The following ELMOD3 variants were observed in gnomAD, a reference collection of about 807,000 sequenced individuals.
ELMOD3 encodes the protein ELMO domain-containing protein 3.
ELMOD3 carries 36 observed loss-of-function variants against 47.4 expected under a neutral mutation model. That is an observed-to-expected ratio of 0.76 (90% CI 0.58 to 1.00). ELMOD3 has a LOEUF of 1.00. Among genes scored for constraint, ELMOD3 ranks in the 50% least tolerant of loss-of-function variants. The probability of loss-of-function intolerance (pLI) is 0.00; values close to 1 mark genes in which losing one functional copy is unlikely to be tolerated. For missense variants in ELMOD3, 404 were observed against 463.8 expected (o/e 0.87, Z 1.18); for synonymous variants, 149 against 183.5 (o/e 0.81, Z 1.52).
At chr2:85,380,152 C>A (rs1685444882) in intron 11 of ELMOD3, among the ~76,000 whole-genome samples, 5 of 152,138 alleles carry the variant, frequency 3.3e-5, no homozygotes, top group Admixed American at 3.3e-4. Flanking sequence ...TGTATTTATG[C>A]AAATAACTGT....
intron 11 of ELMOD3, among the ~76,000 whole-genome samples, chr2:85,379,680 A>G (rs1038235963): frequency 6.6e-6 from 1 of 152,362 alleles, no homozygotes; most frequent in South Asian, 2.1e-4. Context: ...AAGACAAATC[A>G]TGGTAGGACC....
At chr2:85,361,515 T>G (rs1683954424) in intron 4 of ELMOD3, among the ~76,000 whole-genome samples, 2 of 152,166 alleles carry the variant, frequency 1.3e-5, no homozygotes, top group South Asian at 2.1e-4. Context: ...GGCCATTATC[T>G]TTAGCAAACT....
At chr2:85,362,637 A>C (rs1684063990) in intron 5 of ELMOD3, among the ~76,000 whole-genome samples, 1 of 152,176 alleles carries the variant, frequency 6.6e-6, no homozygotes, top group African/African-American at 2.4e-5. Flanking sequence ...AATGGACTTC[A>C]AGGCCAGTAA....
intron 11 of ELMOD3, among the ~76,000 whole-genome samples, chr2:85,379,842 G>A (rs775028777): frequency 2.0e-5 from 3 of 152,058 alleles, no homozygotes; most frequent in Non-Finnish European, 4.4e-5. Flanking sequence ...GCCAAGCCTT[G>A]CCATGGATTT....
intron 11 of ELMOD3, among the ~76,000 whole-genome samples, chr2:85,381,387 A>C (rs1685529946): frequency 6.6e-6 from 1 of 152,236 alleles, no homozygotes; most frequent in African/African-American, 2.4e-5. Context: ...CGGAGACTTG[A>C]TTTTTCAATC....
rs1353945634 is a variant in ELMOD3, at chr2:85,387,137, A to G, written c.739-2614A>G. 5 of 1,299,922 alleles carry G rather than the reference A, an allele frequency of 3.8e-6. No individual in the cohort carries two copies. The South Asian group carries it at 5.0e-5, about 13-fold the overall frequency. The allele number at this position is 1,299,922 out of a possible 1,614,324, so 80.5% of individuals were successfully genotyped here. A position where few individuals can be genotyped will look rare whatever the true frequency, so the allele number is the denominator to read the frequency against. On this transcript the variant is annotated intron_variant, in intron 11 of 13. Transcript: ENST00000409013. Reference sequence around the variant, plus strand: ...AGGGAAGGGATGATATTATGCAAGTATATATGATCATTAAATAGGCAATAC... The same window carrying G: ...AGGGAAGGGATGATATTATGCAAGTGTATATGATCATTAAATAGGCAATAC...
At chr2:85,367,905 ACTTTT>A (rs927997452) in intron 6 of ELMOD3, among the ~76,000 whole-genome samples, 86 of 149,620 alleles carry the variant, frequency 5.7e-4, no homozygotes, top group Middle Eastern at 3.5e-3. Flanking sequence ...GTCGGATCTT[ACTTTT>A]CTTTTCTTTT....
At position 85,369,829 on chromosome 2, in the gene ELMOD3, A is replaced by G; in HGVS notation, c.359A>G (p.Lys120Arg). ...CAGACTGTGGACCTTTCCCCCTTCA[A>G]GGTATGAGGGTAGCAGGGTTTGGAG... is the stretch of plus-strand genomic sequence containing the variant. ...HFQTVDLSPF[K>R]KRIQPTIRRT... Residue 120 changes from lysine to arginine, a missense_variant and splice_region_variant, in exon 8 of 14, where the codon AAG (lysine) becomes AGG (arginine). Physicochemically the swap from Lys to Arg is conservative, Grantham distance 26. Coordinates refer to ENST00000409013, the MANE Select transcript of ELMOD3 (RefSeq NM_001135022.2). 6.2e-7 allele frequency: 1 copy of G among 1,613,956 alleles called. No homozygotes were observed. Among genetic ancestry groups the G allele is most frequent in the East Asian group, 2.2e-5 (1 of 44,876 alleles).
At chr2:85,363,271 G>A (rs375589370) in intron 6 of ELMOD3, 105 bp downstream of exon 6, 3 of 680,102 alleles carry the variant, frequency 4.4e-6, no homozygotes, top group East Asian at 2.7e-5. Flanking sequence ...TTGTCTTTCA[G>A]AATTTTGTAG....
At chr2:85,370,958 C>G (rs780205153) in intron 8 of ELMOD3, 128 bp from the exon 9 acceptor site, 33 of 1,146,730 alleles carry the variant, frequency 2.9e-5, no homozygotes, top group Middle Eastern at 4.1e-4. Flanking sequence ...CTTCCCTTGG[C>G]CCAAAGGCCA....
chr2:85,368,888 A>C, intron 7 of ELMOD3, 134 bp downstream of exon 7: 1 of 859,990 alleles, frequency 1.2e-6, no homozygotes, highest in Non-Finnish European at 1.9e-6. Flanking sequence ...TAACTATATA[A>C]CATAGATTAC....
intron 5 of ELMOD3, 74 bp from the exon 6 acceptor site, chr2:85,363,023 G>C: frequency 1.1e-6 from 1 of 908,562 alleles, no homozygotes; most frequent in Non-Finnish European, 1.8e-6. Context: ...ATTCAGTACA[G>C]TGGGTGGGAA....
intron 7 of ELMOD3, 140 bp downstream of exon 7, chr2:85,368,894 A>G: frequency 1.2e-6 from 1 of 824,018 alleles, no homozygotes; most frequent in Admixed American, 2.3e-5. Context: ...TATAACATAG[A>G]TTACAGTACC....
At chr2:85,364,825 A>ATTTTTTTTTTTT (rs869054374) in intron 6 of ELMOD3, among the ~76,000 whole-genome samples, 6 of 69,894 alleles carry the variant, frequency 8.6e-5, no homozygotes, top group African/African-American at 3.3e-4. Context: ...ATATATATAT[A>ATTTTTTTTTTTT]TTTTTTTTTT....
intron 11 of ELMOD3, among the ~76,000 whole-genome samples, chr2:85,377,807 A>T (rs1380039284): frequency 9.2e-5 from 14 of 152,210 alleles, no homozygotes; most frequent in Non-Finnish European, 1.8e-4. Context: ...GGGTACACTC[A>T]CTAGCAGTTT....
intron 11 of ELMOD3, among the ~76,000 whole-genome samples, chr2:85,382,211 G>A (rs1169124216): frequency 3.5e-5 from 5 of 142,984 alleles, no homozygotes; most frequent in African/African-American, 1.0e-4. Flanking sequence ...AGGCCGAGGC[G>A]GGCAGATCAC....
At chr2:85,368,843 G>T in intron 7 of ELMOD3, 89 bp downstream of exon 7, 1 of 1,352,918 alleles carries the variant, frequency 7.4e-7, no homozygotes, top group Non-Finnish European at 1.1e-6. Flanking sequence ...TGTGAGTCTG[G>T]GACTAGGAGA....
chr2:85,369,900 C>A, intron 8 of ELMOD3, 70 bp downstream of exon 8: 1 of 1,577,822 alleles, frequency 6.3e-7, no homozygotes, highest in South Asian at 1.1e-5. Context: ...CTCTATCCCA[C>A]CAGGACAGGG....
rs139731692 is a variant in ELMOD3, at chr2:85,391,446, C to G, written c.*484C>G. ...CCGACAGGGGGCAGCATGACCCAAG[C>G]AAGGGGCCTGAGGCCTCAGTGGGGG... On this transcript the variant is annotated 3_prime_UTR_variant, in exon 14 of 14. Transcript: ENST00000409013. The G allele has an allele frequency of 6.1e-3, 986 of 160,810 alleles. 10 individuals are homozygous for G. The highest frequency in any genetic ancestry group is 0.024 in the Middle Eastern group (8 of 334). The allele number at this position is 160,810 out of a possible 1,614,324, so 10.0% of individuals were successfully genotyped here. A position where few individuals can be genotyped will look rare whatever the true frequency, so the allele number is the denominator to read the frequency against.
Sources: allele counts gnomAD v4.1 joint callset (sites outside exome capture counted in the v4.1 genomes callset), GRCh38; gene constraint gnomAD v4.1.1; transcripts MANE v1.5; gene names NCBI Gene and HGNC (gene_info 2026-07-23, HGNC 2026-07-21).